The following DECR1 variants were observed in gnomAD, a reference collection of about 807,000 sequenced individuals.
The protein encoded by DECR1 is 2,4-dienoyl-CoA reductase [(3E)-enoyl-CoA-producing], mitochondrial.
A neutral mutation model predicts 38.8 loss-of-function variants in DECR1; 44 were observed. The observed-to-expected ratio is 1.13, with a 90% CI of 0.89 to 1.46. DECR1 has a LOEUF of 1.46. Among genes scored for constraint, DECR1 ranks in the 40% most tolerant of loss-of-function variants. DECR1 has a pLI of 0.00. For missense variants in DECR1, 428 were observed against 405.5 expected, an observed-to-expected ratio of 1.06 and a Z score of -0.48; for synonymous variants, 148 against 135.2, an observed-to-expected ratio of 1.09 and a Z score of -0.66.
chr8:90,013,553 G>A (rs1310874266), intron 1 of DECR1, among the ~76,000 whole-genome samples: 3 of 151,998 alleles, frequency 2.0e-5, no homozygotes, highest in Non-Finnish European at 4.4e-5. Flanking sequence ...TGTGAGTCGG[G>A]GCTGGACAGA....
At position 90,001,688 on chromosome 8, in the gene DECR1, G is replaced by A. The variant is rs1812615649; in HGVS notation, c.69+127G>A. The A allele has an allele frequency of 6.0e-6, 5 of 840,092 alleles. No individual in the cohort carries two copies. In the East Asian group the frequency reaches 8.1e-5, roughly 14 times the overall value. The allele number at this position is 840,092 out of a possible 1,614,324, so 52.0% of individuals were successfully genotyped here. ...CTGGGGCGCAAAGAGAGAGGACAGG[G>A]CGTCCCGGGGGTTCGGGGAGCGAGG... On this transcript the variant is annotated intron_variant, in intron 1 of 9. Coordinates refer to ENST00000220764, the MANE Select transcript of DECR1 (RefSeq NM_001359.2).
intron 1 of DECR1, chr8:90,006,293 TGA>T (rs1812739171): frequency 1.4e-6 from 1 of 704,014 alleles, no homozygotes; most frequent in Non-Finnish European, 2.6e-6. Context: ...TCCAGTTTTA[TGA>T]GAGTGTTGTT....
At chr8:90,024,170 A>G (rs1206301209) in intron 5 of DECR1, among the ~76,000 whole-genome samples, 1 of 152,208 alleles carries the variant, frequency 6.6e-6, no homozygotes, top group Non-Finnish European at 1.5e-5. Flanking sequence ...TAGTGCCACA[A>G]TAAGCATACA....
intron 8 of DECR1, among the ~76,000 whole-genome samples, chr8:90,051,020 G>A (rs113162760): frequency 0.018 from 2,756 of 152,150 alleles, 77 homozygotes; most frequent in African/African-American, 0.062. Context: ...ATGGGGGCCC[G>A]TCGTGGGGTG....
intron 1 of DECR1, chr8:90,005,335 T>A (rs907951206): frequency 4.4e-6 from 2 of 456,214 alleles, no homozygotes; most frequent in African/African-American, 4.0e-5. Flanking sequence ...AGCTGATTCC[T>A]GCTGTCAAGA....
intron 5 of DECR1, among the ~76,000 whole-genome samples, chr8:90,030,733 G>T (rs1226914496): frequency 6.6e-6 from 1 of 152,186 alleles, no homozygotes; most frequent in Non-Finnish European, 1.5e-5. Flanking sequence ...GAGTATATAA[G>T]AACCACATAA....
chr8:90,005,268 A>T (rs978849386), intron 1 of DECR1: 17 of 449,984 alleles, frequency 3.8e-5, no homozygotes, highest in Non-Finnish European at 7.1e-5. Flanking sequence ...TTATGTAGAA[A>T]ATTGAGCATT....
intron 1 of DECR1, among the ~76,000 whole-genome samples, chr8:90,001,926 G>T (rs1076559): frequency 0.068 from 10,344 of 151,970 alleles, 1,063 homozygotes; most frequent in African/African-American, 0.22. Context: ...AGAGGACCCG[G>T]CGTCCCTGGG....
chr8:90,049,914 C>A lies in DECR1; in HGVS notation c.886-1763C>A, dbSNP rs191979870. Among the ~76,000 whole-genome samples the A allele has an allele frequency of 2.1e-3, 315 of 152,292 alleles. 1 individual carries two copies. Among genetic ancestry groups the A allele is most frequent in the African/African-American group, 7.0e-3 (290 of 41,552 alleles). On this transcript the variant is annotated intron_variant, in intron 8 of 9. Transcript: ENST00000220764. Reference sequence around the variant, plus strand: ...TGATCTTTGAGAAGCCTGACAAATACAAGAAATGGGGAAAGGATTCCCTGT... The same window carrying A: ...TGATCTTTGAGAAGCCTGACAAATAAAAGAAATGGGGAAAGGATTCCCTGT...
At chr8:90,017,406 C>A in intron 2 of DECR1, 80 bp downstream of exon 2, 1 of 1,071,258 alleles carries the variant, frequency 9.3e-7, no homozygotes. Context: ...CACTGTTCGC[C>A]AGAGTTGTTT....
intron 8 of DECR1, 159 bp downstream of exon 8, chr8:90,045,154 A>G (rs1178511795): frequency 1.9e-6 from 1 of 521,382 alleles, no homozygotes; most frequent in South Asian, 2.8e-5. Context: ...TGTTTAGCCT[A>G]TGACATTTAT....
At chr8:90,004,380 CAA>C (rs1418398538) in intron 1 of DECR1, among the ~76,000 whole-genome samples, 1 of 151,594 alleles carries the variant, frequency 6.6e-6, no homozygotes, top group Non-Finnish European at 1.5e-5. Context: ...TAGTAACTAT[CAA>C]GAGTAAAATC....
At chr8:90,003,595 A>C (rs1047269231) in intron 1 of DECR1, among the ~76,000 whole-genome samples, 1 of 152,226 alleles carries the variant, frequency 6.6e-6, no homozygotes, top group African/African-American at 2.4e-5. Context: ...GTTGAAAGAC[A>C]TTCCTGCCTT....
chr8:90,013,282 A>T (rs1812929535), intron 1 of DECR1, among the ~76,000 whole-genome samples: 2 of 152,200 alleles, frequency 1.3e-5, no homozygotes, highest in Non-Finnish European at 2.9e-5. Flanking sequence ...TATATATTTG[A>T]AACTGGATCT....
chr8:90,014,797 T>C (rs1214277500), intron 1 of DECR1, among the ~76,000 whole-genome samples: 7 of 152,186 alleles, frequency 4.6e-5, no homozygotes, highest in African/African-American at 7.2e-5. Context: ...TTCATTATTA[T>C]TACTTAATGA....
chr8:90,030,926 G>A (rs1162486996), intron 5 of DECR1, among the ~76,000 whole-genome samples: 6 of 152,064 alleles, frequency 3.9e-5, no homozygotes, highest in African/African-American at 1.4e-4. Flanking sequence ...AACCTCATCT[G>A]TTAAAATTTC....
chr8:90,005,458 G>A (rs1812715787), intron 1 of DECR1: 1 of 456,052 alleles, frequency 2.2e-6, no homozygotes, highest in Non-Finnish European at 4.4e-6. Context: ...TCTGAAAAAT[G>A]AGTAAAGATG....
chr8:90,001,488 T>C lies in DECR1; in HGVS notation c.-5T>C, dbSNP rs769910985. On this transcript the variant is annotated 5_prime_UTR_variant, in exon 1 of 10. Transcript: ENST00000220764. ...GCCTTCCGGCCCGAGTTCTGGAGAC[T>C]CAACATGAAGCTACCGGCCAGGGTT... 7 of 1,614,014 alleles carry C rather than the reference T, an allele frequency of 4.3e-6. No homozygotes were observed. In the Admixed American group the frequency reaches 1.2e-4, roughly 27 times the overall value.
intron 8 of DECR1, among the ~76,000 whole-genome samples, chr8:90,048,240 C>A (rs1018209763): frequency 5.9e-5 from 9 of 152,092 alleles, no homozygotes; most frequent in African/African-American, 2.2e-4. Flanking sequence ...ATCAATGAAT[C>A]CAGGAGCTGT....
Sources: allele counts gnomAD v4.1 joint callset (sites outside exome capture counted in the v4.1 genomes callset), GRCh38; gene constraint gnomAD v4.1.1; transcripts MANE v1.5; gene names NCBI Gene and HGNC (gene_info 2026-07-23, HGNC 2026-07-21).